Variants in AKR1C4 observed in about 807,000 individuals in gnomAD.
AKR1C4 encodes aldo-keto reductase family 1 member C4, also known as 3-alpha-HSD1.
Under a neutral mutation model 41.0 loss-of-function variants are expected in AKR1C4, and 44 were observed. That is an observed-to-expected ratio of 1.07 (90% CI 0.84 to 1.38). AKR1C4 has a LOEUF of 1.38. Ranked by LOEUF, AKR1C4 falls within the 40% of genes most tolerant of loss-of-function variation. AKR1C4 has a pLI of 0.00. For missense variants in AKR1C4, 438 were observed against 387.9 expected (o/e 1.13, Z -1.09); for synonymous variants, 165 against 137.7 (o/e 1.20, Z -1.39).
chr10:5,205,230 A>G lies in AKR1C4; in HGVS notation c.370-527A>G, dbSNP rs186832982. 3.3e-4 allele frequency among the ~76,000 whole-genome samples: 50 copies of G among 152,346 alleles called. 1 individual carries two copies. In the East Asian group the frequency reaches 8.9e-3, roughly 27 times the overall value. On this transcript the variant is annotated intron_variant, in intron 3 of 8. Transcript: ENST00000263126. ...CCAGCCTTTTTGATTGTTGGCAATG[A>G]TAGCTTTGAGGCAGCTCAATGCTCA...
rs545513866 is a variant in AKR1C4 at position 5,214,262 on chromosome 10, A to AC, written c.846+1104dup. On this transcript the variant is annotated intron_variant, in intron 7 of 8. Coordinates refer to ENST00000263126, the MANE Select transcript of AKR1C4 (RefSeq NM_001818.5). ...TTTTTCATCCTAAGTGTCCATAAGT[A>AC]CTTCACTGACATTTCCCCTCTTTCA... 1.9e-3 allele frequency among the ~76,000 whole-genome samples: 293 copies of AC among 152,310 alleles called. 2 individuals are homozygous for AC. Among genetic ancestry groups the AC allele is most frequent in the African/African-American group, 6.5e-3 (271 of 41,574 alleles).
rs963963758 is a variant in AKR1C4 at position 5,204,062 on chromosome 10, G to A, written c.253-315G>A. ...ACAGGAATGCTTATTCTTGCCCATC[G>A]GGTTCAATGGATGAGAAAAATTAGA... On this transcript the variant is annotated intron_variant, in intron 2 of 8. Transcript: ENST00000263126. Among the ~76,000 whole-genome samples, 5 of 152,094 alleles carry A rather than the reference G, an allele frequency of 3.3e-5. No homozygotes were observed. In the South Asian group the frequency reaches 6.2e-4, roughly 19 times the overall value.
intron 2 of AKR1C4, among the ~76,000 whole-genome samples, chr10:5,202,813 C>T (rs1452677124): frequency 6.6e-6 from 1 of 152,040 alleles, no homozygotes; most frequent in Non-Finnish European, 1.5e-5. Context: ...AGCATCCCTG[C>T]ACCTATGGGA....
In AKR1C4 at chr10:5,196,887, G is replaced by A. The variant is rs373855442; in HGVS notation, c.20G>A (p.Arg7His). ...CAAGCAATGGATCCCAAATATCAGC[G>A]TGTAGAGCTAAATGATGGTCACTTC... is the stretch of plus-strand genomic sequence containing the variant. The part of the protein sequence containing the change: MDPKYQ[R>H]VELNDGHFMP... The change falls in exon 1 of 9, where the codon CGT becomes CAT. Residue 7 changes from arginine (R) to histidine (H), a missense_variant. Arg to His is a conservative substitution (Grantham distance 29). Transcript: ENST00000263126. 31 of 1,614,098 alleles carry A rather than the reference G, an allele frequency of 1.9e-5. No individual in the cohort carries two copies. In the African/African-American group the frequency reaches 3.2e-4, roughly 17 times the overall value.
At chr10:5,205,456 G>A (rs950181910) in intron 3 of AKR1C4, among the ~76,000 whole-genome samples, 1 of 152,148 alleles carries the variant, frequency 6.6e-6, no homozygotes, top group South Asian at 2.1e-4. Context: ...TTGAGTCAAA[G>A]AGAGGCATTT....
intron 5 of AKR1C4, among the ~76,000 whole-genome samples, chr10:5,208,395 C>G (rs555079975): frequency 1.3e-5 from 2 of 151,600 alleles, no homozygotes; most frequent in East Asian, 3.9e-4. Context: ...TAGTTTTACT[C>G]AATTATTATT....
intron 5 of AKR1C4, among the ~76,000 whole-genome samples, chr10:5,208,787 T>G (rs1245476156): frequency 6.6e-6 from 1 of 151,270 alleles, no homozygotes; most frequent in Non-Finnish European, 1.5e-5. Context: ...TGAAAAAATT[T>G]AAAGATACCA....
chr10:5,213,202 T>C, intron 7 of AKR1C4, 43 bp downstream of exon 7: 1 of 1,604,336 alleles, frequency 6.2e-7, no homozygotes, highest in Non-Finnish European at 8.5e-7. Context: ...ACAGTGTCCT[T>C]CACACGTGTG....
chr10:5,198,968 C>T (rs1832356054), intron 1 of AKR1C4, among the ~76,000 whole-genome samples: 1 of 152,104 alleles, frequency 6.6e-6, no homozygotes, highest in Non-Finnish European at 1.5e-5. Context: ...TTGTAGTGAG[C>T]CAAGATTGTC....
In AKR1C4 at chr10:5,216,721, T is replaced by C; in HGVS notation, c.857T>C (p.Phe286Ser). The change falls in exon 8 of 9, where the codon TTC (phenylalanine) becomes TCC (serine). Residue 286 changes from phenylalanine to serine, a missense_variant. Physicochemically the swap from Phe to Ser is radical, Grantham distance 155. Coordinates refer to ENST00000263126, the MANE Select transcript of AKR1C4 (RefSeq NM_001818.5). ...CTACTTCTTTGGTAGGTTTTTGAAT[T>C]CCAGTTGACATCAGAGGATATGAAA... is the stretch of plus-strand genomic sequence containing the variant. ...RIRENIQVFE[F>S]QLTSEDMKVL... 1 of 1,610,420 alleles carries C rather than the reference T, an allele frequency of 6.2e-7. No homozygotes were observed. The highest frequency in any genetic ancestry group is 8.5e-7 in the Non-Finnish European group (1 of 1,177,806).
intron 1 of AKR1C4, among the ~76,000 whole-genome samples, chr10:5,198,711 A>G (rs1832351053): frequency 6.6e-6 from 1 of 152,184 alleles, no homozygotes; most frequent in Admixed American, 6.5e-5. Context: ...TCACTATATT[A>G]AAAATAATTA....
At chr10:5,212,407 T>C (rs1832589228) in intron 5 of AKR1C4, among the ~76,000 whole-genome samples, 1 of 152,236 alleles carries the variant, frequency 6.6e-6, no homozygotes, top group South Asian at 2.1e-4. Flanking sequence ...AAACTGGCTC[T>C]GGTTCATAGA....
At chr10:5,208,549 T>C (rs2132133095) in intron 5 of AKR1C4, among the ~76,000 whole-genome samples, 1 of 151,714 alleles carries the variant, frequency 6.6e-6, no homozygotes, top group African/African-American at 2.4e-5. Context: ...ATACAGGTAG[T>C]ATTTGTTGAA....
At chr10:5,202,940 TG>T (rs1832423788) in intron 2 of AKR1C4, among the ~76,000 whole-genome samples, 4 of 37,848 alleles carry the variant, frequency 1.1e-4, no homozygotes, top group Non-Finnish European at 2.2e-4. Flanking sequence ...AGTTTTCTTT[TG>T]TGTGTGTGTG....
At position 5,200,296 on chromosome 10, in the gene AKR1C4, G is replaced by A. The variant is rs921696360; in HGVS notation, c.200G>A (p.Ser67Asn). Reference protein sequence around the residue: ...NEEQVGLAIRSKIADGSVKRE... With the variant: ...NEEQVGLAIRNKIADGSVKRE... Reference sequence around the variant, plus strand: ...GAGCAGGTTGGACTGGCCATCCGAAGCAAGATTGCAGATGGCAGTGTGAAG... The same window carrying A: ...GAGCAGGTTGGACTGGCCATCCGAAACAAGATTGCAGATGGCAGTGTGAAG... Residue 67 changes from serine (S) to asparagine (N), a missense_variant, in exon 2 of 9, where the codon AGC becomes AAC. By Grantham distance (46) the Ser-to-Asn change is conservative. Transcript: ENST00000263126. The A allele has an allele frequency of 5.0e-6, 8 of 1,614,198 alleles. No individual in the cohort carries two copies. The highest frequency in any genetic ancestry group is 2.7e-5 in the African/African-American group (2 of 75,066).
chr10:5,199,611 C>A (rs908359045), intron 1 of AKR1C4, among the ~76,000 whole-genome samples: 1 of 152,144 alleles, frequency 6.6e-6, no homozygotes, highest in African/African-American at 2.4e-5. Context: ...GGCACCAGTA[C>A]GCCAGCGGGC....
At chr10:5,208,894 C>T (rs1225239292) in intron 5 of AKR1C4, among the ~76,000 whole-genome samples, 1 of 125,572 alleles carries the variant, frequency 8.0e-6, no homozygotes, top group African/African-American at 3.0e-5. Context: ...AAAGATGTAT[C>T]ATGAAAACAA....
intron 1 of AKR1C4, among the ~76,000 whole-genome samples, chr10:5,197,756 A>T (rs1270942664): frequency 1.3e-5 from 2 of 152,238 alleles, no homozygotes; most frequent in Non-Finnish European, 2.9e-5. Flanking sequence ...TCTAAATTTG[A>T]TCAACTATAC....
At chr10:5,202,365 G>T in intron 2 of AKR1C4, 1 of 382,732 alleles carries the variant, frequency 2.6e-6, no homozygotes, top group Non-Finnish European at 5.3e-6. Context: ...TTTGTAACCT[G>T]AGACTTTACT....
Sources: gnomAD v4.1 joint callset for allele counts (sites outside exome capture counted in the v4.1 genomes callset) on GRCh38, gnomAD v4.1.1 for gene constraint, MANE v1.5 for transcripts, NCBI Gene and HGNC (gene_info 2026-07-23, HGNC 2026-07-21) for gene names.